ATRNL1: variants seen among roughly 807,000 people sequenced by gnomAD.
ATRNL1 encodes the protein attractin like 1, also known as attractin-like protein 1.
In ATRNL1, 95 loss-of-function variants were observed where a neutral mutation model predicts 182.7. The ratio of observed to expected loss-of-function variants is 0.52; its 90% confidence interval spans 0.44 to 0.62. The LOEUF is 0.62. ATRNL1 is among the 20% of genes least tolerant of loss of function. The pLI is 0.00. For missense variants in ATRNL1, 1,471 were observed against 1,679.5 expected, an observed-to-expected ratio of 0.88 and a Z score of 2.17; for synonymous variants, 576 against 568.3, an observed-to-expected ratio of 1.01 and a Z score of -0.19.
chr10:115,418,979 A>G (rs782740343), intron 20 of ATRNL1, among the ~76,000 whole-genome samples: 8 of 152,240 alleles, frequency 5.3e-5, no homozygotes, highest in Non-Finnish European at 1.2e-4. Flanking sequence ...AAGAATACTT[A>G]CATTGATTGT....
At chr10:115,632,412 G>A (rs1476464089) in intron 26 of ATRNL1, among the ~76,000 whole-genome samples, 2 of 152,110 alleles carry the variant, frequency 1.3e-5, no homozygotes, top group Non-Finnish European at 2.9e-5. Flanking sequence ...AAATAATCAA[G>A]TTGGTTATAA....
intron 8 of ATRNL1, among the ~76,000 whole-genome samples, chr10:115,172,186 TTTG>T (rs1847321064): frequency 6.6e-6 from 1 of 151,988 alleles, no homozygotes; most frequent in African/African-American, 2.4e-5. Flanking sequence ...GATGGCTGTT[TTTG>T]TTTACATATT....
At position 115,215,888 on chromosome 10, in the gene ATRNL1, C is replaced by T. The variant is rs1554896146; in HGVS notation, c.1532+8C>T. The T allele has an allele frequency of 2.0e-6, 3 of 1,479,382 alleles. No individual in the cohort carries two copies. Among genetic ancestry groups the T allele is most frequent in the African/African-American group, 2.9e-5 (2 of 68,680 alleles). The allele number at this position is 1,479,382 out of a possible 1,614,324, so 91.6% of individuals were successfully genotyped here. ...AGTTAACACTAAGACTTGGTGAGTA[C>T]ACAAAATAACACATTTTCTATGTTG... On this transcript the variant is annotated splice_region_variant and intron_variant, in intron 9 of 28. Transcript: ENST00000355044.
At chr10:115,344,392 C>G (rs1302877903) in intron 19 of ATRNL1, among the ~76,000 whole-genome samples, 1 of 152,194 alleles carries the variant, frequency 6.6e-6, no homozygotes, top group Non-Finnish European at 1.5e-5. Context: ...GGCAGAAGAG[C>G]CTCACCTCAT....
intron 5 of ATRNL1, among the ~76,000 whole-genome samples, chr10:115,136,865 T>C (rs1056838770): frequency 1.3e-5 from 2 of 152,202 alleles, no homozygotes; most frequent in Non-Finnish European, 2.9e-5. Context: ...CTTGGTTGCT[T>C]CTGTAAAATT....
At chr10:115,863,504 C>G (rs186889800) in intron 28 of ATRNL1, among the ~76,000 whole-genome samples, 143 of 152,240 alleles carry the variant, frequency 9.4e-4, no homozygotes, top group African/African-American at 3.0e-3. Flanking sequence ...GTAATGAGAG[C>G]TAGTTTTCTC....
chr10:115,198,037 A>G (rs543210163), intron 8 of ATRNL1, among the ~76,000 whole-genome samples: 3 of 152,124 alleles, frequency 2.0e-5, no homozygotes, highest in Non-Finnish European at 2.9e-5. Context: ...TGTATACCCA[A>G]TAGTGAAATT....
chr10:115,660,494 G>A (rs1041821459), intron 26 of ATRNL1, among the ~76,000 whole-genome samples: 15 of 152,082 alleles, frequency 9.9e-5, no homozygotes, highest in Admixed American at 8.5e-4. Flanking sequence ...ATCAACATAA[G>A]CTGACCATTA....
intron 26 of ATRNL1, among the ~76,000 whole-genome samples, chr10:115,585,498 A>G: frequency 8.2e-6 from 1 of 122,208 alleles, no homozygotes; most frequent in Non-Finnish European, 1.8e-5. Context: ...CTTTACCATT[A>G]TGTAATGGCC....
rs933878580 is a variant in ATRNL1 at position 115,794,801 on chromosome 10, C to T, written c.3904-53076C>T. Among the ~76,000 whole-genome samples the T allele has an allele frequency of 2.6e-5, 4 of 152,232 alleles. No individual in the cohort carries two copies. The East Asian group carries it at 5.8e-4, about 22-fold the overall frequency. On this transcript the variant is annotated intron_variant, in intron 27 of 28. Coordinates refer to ENST00000355044, the MANE Select transcript of ATRNL1 (RefSeq NM_207303.4). ...TATAAAATTATTATTTTCCTTTGTA[C>T]AATTAATAAGTTCTTTATGGGAAAC...
intron 26 of ATRNL1, among the ~76,000 whole-genome samples, chr10:115,555,609 T>TA (rs1414419126): frequency 1.3e-5 from 2 of 151,914 alleles, no homozygotes; most frequent in Admixed American, 6.6e-5. Context: ...TTTAGACAAA[T>TA]ACAGCAATGA....
At chr10:115,892,724 A>C (rs1241090637) in intron 28 of ATRNL1, among the ~76,000 whole-genome samples, 2 of 152,226 alleles carry the variant, frequency 1.3e-5, no homozygotes, top group Non-Finnish European at 2.9e-5. Context: ...ATTCATGATC[A>C]GGGAATATTT....
chr10:115,581,244 T>C (rs1214433885), intron 26 of ATRNL1, among the ~76,000 whole-genome samples: 1 of 152,234 alleles, frequency 6.6e-6, no homozygotes, highest in South Asian at 2.1e-4. Context: ...CTTAATCTCT[T>C]TTTTTTCAGT....
At chr10:115,678,246 A>G (rs1945930577) in intron 26 of ATRNL1, among the ~76,000 whole-genome samples, 1 of 152,142 alleles carries the variant, frequency 6.6e-6, no homozygotes, top group Non-Finnish European at 1.5e-5. Context: ...CTAAAACATT[A>G]TATTAAGAAA....
In ATRNL1 at chr10:115,293,415, A is replaced by T. The variant is rs551353193; in HGVS notation, c.2416-6619A>T. Among the ~76,000 whole-genome samples the T allele has an allele frequency of 3.9e-5, 6 of 152,150 alleles. No homozygotes were observed. The South Asian group carries it at 1.2e-3, about 32-fold the overall frequency. On this transcript the variant is annotated intron_variant, in intron 15 of 28. Coordinates refer to ENST00000355044, the MANE Select transcript of ATRNL1 (RefSeq NM_207303.4). Reference sequence around the variant, plus strand: ...ATTGGTTGTTTTCTGGTTTTCATACATCTTTTCTTCCTTTGTATATCCTTT... The same window carrying T: ...ATTGGTTGTTTTCTGGTTTTCATACTTCTTTTCTTCCTTTGTATATCCTTT...
At chr10:115,374,655 A>G (rs1398281278) in intron 19 of ATRNL1, among the ~76,000 whole-genome samples, 1 of 151,602 alleles carries the variant, frequency 6.6e-6, no homozygotes, top group Admixed American at 6.6e-5. Flanking sequence ...GTTTTGTTCA[A>G]CCCATAACTT....
At chr10:115,632,570 A>C (rs74161613) in intron 26 of ATRNL1, among the ~76,000 whole-genome samples, 1,670 of 152,292 alleles carry the variant, frequency 0.011, 30 homozygotes, top group African/African-American at 0.038. Context: ...AAATATGTAG[A>C]TGATTTTGAT....
At chr10:115,901,230 CAT>C (rs1260955775) in intron 28 of ATRNL1, among the ~76,000 whole-genome samples, 2 of 152,134 alleles carry the variant, frequency 1.3e-5, no homozygotes, top group East Asian at 3.8e-4. Flanking sequence ...CACATGGACA[CAT>C]GAGACAGTTC....
chr10:115,588,066 A>G (rs74158390), intron 26 of ATRNL1, among the ~76,000 whole-genome samples: 3,023 of 152,306 alleles, frequency 0.02, 98 homozygotes, highest in African/African-American at 0.069. Flanking sequence ...TGGATAATAA[A>G]TGGAAGTTTT....
Sources: allele counts gnomAD v4.1 joint callset (sites outside exome capture counted in the v4.1 genomes callset), GRCh38; gene constraint gnomAD v4.1.1; transcripts MANE v1.5; gene names NCBI Gene and HGNC (gene_info 2026-07-23, HGNC 2026-07-21).